TRAPPC9: variants seen among roughly 807,000 people sequenced by gnomAD.
The protein encoded by TRAPPC9 is trafficking protein particle complex subunit 9, also known as IKK2 binding protein.
Under a neutral mutation model 124.0 loss-of-function variants are expected in TRAPPC9, and 83 were observed. That is an observed-to-expected ratio of 0.67 (90% CI 0.56 to 0.80). TRAPPC9 has a LOEUF of 0.80. TRAPPC9 is among the 30% of genes least tolerant of loss of function. The pLI is 0.00. For synonymous variants in TRAPPC9, 638 were observed against 617.5 expected (o/e 1.03, Z -0.49); for missense variants, 1,302 against 1,508.3 (o/e 0.86, Z 2.27).
intron 17 of TRAPPC9, among the ~76,000 whole-genome samples, chr8:140,126,544 C>T (rs778362091): frequency 2.6e-5 from 4 of 152,206 alleles, no homozygotes; most frequent in South Asian, 2.1e-4. Flanking sequence ...GGTCCAATTT[C>T]GTCTGCAGTT....
chr8:139,889,979 C>G (rs1395167950), intron 20 of TRAPPC9, among the ~76,000 whole-genome samples: 1 of 152,238 alleles, frequency 6.6e-6, no homozygotes, highest in African/African-American at 2.4e-5. Flanking sequence ...GGAGTAGGCA[C>G]AGGAAGCAAC....
At chr8:140,082,507 C>T (rs1843894279) in intron 17 of TRAPPC9, among the ~76,000 whole-genome samples, 2 of 151,902 alleles carry the variant, frequency 1.3e-5, no homozygotes, top group Admixed American at 6.6e-5. Context: ...TATGTTAATG[C>T]ATTTTAACAA....
At chr8:139,988,890 A>C (rs1837442188) in intron 18 of TRAPPC9, 54 bp from the exon 19 acceptor site, 5 of 1,263,000 alleles carry the variant, frequency 4.0e-6, no homozygotes, top group Non-Finnish European at 5.6e-6. Flanking sequence ...AAGAGGAATG[A>C]CTTTCCCTTT....
At chr8:140,188,343 C>T (rs138462338) in intron 17 of TRAPPC9, among the ~76,000 whole-genome samples, 179 of 152,236 alleles carry the variant, frequency 1.2e-3, no homozygotes, top group African/African-American at 4.1e-3. Flanking sequence ...AATAAAAACC[C>T]GTGAATGAAT....
intron 21 of TRAPPC9, among the ~76,000 whole-genome samples, chr8:139,733,655 G>A (rs1817979105): frequency 6.6e-6 from 1 of 152,242 alleles, no homozygotes. Flanking sequence ...GAATAAGGAT[G>A]ACATGATGGT....
chr8:140,200,715 G>C (rs2062767847), intron 17 of TRAPPC9, among the ~76,000 whole-genome samples: 1 of 152,130 alleles, frequency 6.6e-6, no homozygotes, highest in African/African-American at 2.4e-5. Flanking sequence ...ACACTAAGAA[G>C]ACCCGGAGGA....
chr8:139,963,211 C>T (rs2665929), intron 19 of TRAPPC9, among the ~76,000 whole-genome samples: 1 of 151,928 alleles, frequency 6.6e-6, no homozygotes, highest in African/African-American at 2.4e-5. Context: ...GATAATACTG[C>T]TATTTTTTCC....
At chr8:140,410,334 A>G (rs1210833716) in intron 5 of TRAPPC9, among the ~76,000 whole-genome samples, 5 of 151,986 alleles carry the variant, frequency 3.3e-5, no homozygotes, top group Non-Finnish European at 7.4e-5. Flanking sequence ...CCAGGAGTTC[A>G]AGACCAGCCT....
intron 9 of TRAPPC9, among the ~76,000 whole-genome samples, chr8:140,344,108 T>C (rs1443240862): frequency 1.3e-5 from 2 of 152,160 alleles, no homozygotes; most frequent in African/African-American, 4.8e-5. Flanking sequence ...GATCAGGGCA[T>C]GTGAGTAGAG....
At chr8:140,208,048 G>A (rs1287522696) in intron 17 of TRAPPC9, among the ~76,000 whole-genome samples, 2 of 152,038 alleles carry the variant, frequency 1.3e-5, no homozygotes, top group Non-Finnish European at 2.9e-5. Flanking sequence ...TACTTGGGAG[G>A]CGGAGGCAGG....
chr8:140,270,363 G>A (rs1222764995), intron 15 of TRAPPC9, among the ~76,000 whole-genome samples: 1 of 152,220 alleles, frequency 6.6e-6, no homozygotes, highest in Non-Finnish European at 1.5e-5. Context: ...CAGCCAACAG[G>A]AGAGAAAGGC....
At chr8:140,445,070 C>T (rs1256865405) in intron 2 of TRAPPC9, among the ~76,000 whole-genome samples, 1 of 152,172 alleles carries the variant, frequency 6.6e-6, no homozygotes, top group African/African-American at 2.4e-5. Flanking sequence ...GAGCTCCGGA[C>T]TCACATCCGA....
intron 21 of TRAPPC9, among the ~76,000 whole-genome samples, chr8:139,791,326 G>GACACACAC (rs56674949): frequency 2.0e-4 from 30 of 147,238 alleles, no homozygotes; most frequent in Non-Finnish European, 4.2e-4. Flanking sequence ...CCCCTGCACA[G>GACACACAC]ACACACACAC....
intron 17 of TRAPPC9, among the ~76,000 whole-genome samples, chr8:140,084,919 T>C (rs534722490): frequency 1.1e-4 from 16 of 152,204 alleles, no homozygotes. Context: ...GAAACTGATA[T>C]CCAGTGGGGT....
intron 19 of TRAPPC9, among the ~76,000 whole-genome samples, chr8:139,917,167 C>CTTATTTTTTTTTTTTT (rs1832194687): frequency 1.0e-5 from 1 of 99,926 alleles, no homozygotes; most frequent in Admixed American, 1.2e-4. Flanking sequence ...TTATTATTTT[C>CTTATTTTTTTTTTTTT]TTTTTTTTTT....
At chr8:140,037,698 G>A (rs543410884) in intron 17 of TRAPPC9, among the ~76,000 whole-genome samples, 7 of 133,316 alleles carry the variant, frequency 5.3e-5, no homozygotes, top group Admixed American at 1.5e-4. Flanking sequence ...TCCCACACAC[G>A]TACACAGACA....
At chr8:140,062,781 G>A (rs561758380) in intron 17 of TRAPPC9, among the ~76,000 whole-genome samples, 1 of 152,204 alleles carries the variant, frequency 6.6e-6, no homozygotes, top group Admixed American at 6.5e-5. Flanking sequence ...CACTCAGAAA[G>A]CTTCTGAGGA....
intron 17 of TRAPPC9, among the ~76,000 whole-genome samples, chr8:140,084,613 C>T (rs1428418470): frequency 6.6e-6 from 1 of 152,198 alleles, no homozygotes; most frequent in African/African-American, 2.4e-5. Context: ...GTTCTTCTGC[C>T]CAAGAACCGC....
intron 18 of TRAPPC9, among the ~76,000 whole-genome samples, chr8:140,011,306 C>T (rs59284426): frequency 0.057 from 8,593 of 151,660 alleles, 756 homozygotes; most frequent in African/African-American, 0.18. Flanking sequence ...TGTACCACTG[C>T]ACTCCAGCCT....
Sources: gnomAD v4.1 joint callset for allele counts (sites outside exome capture counted in the v4.1 genomes callset) on GRCh38, gnomAD v4.1.1 for gene constraint, MANE v1.5 for transcripts, NCBI Gene and HGNC (gene_info 2026-07-23, HGNC 2026-07-21) for gene names.